The following CCNY variants were observed in gnomAD, a reference collection of about 807,000 sequenced individuals.
CCNY encodes the protein cyclin Y.
A neutral mutation model predicts 42.8 loss-of-function variants in CCNY; 19 were observed. That is an observed-to-expected ratio of 0.44 (90% CI 0.31 to 0.65). CCNY has a LOEUF of 0.65. Ranked by LOEUF, CCNY falls within the 30% of genes least tolerant of loss-of-function variation. CCNY has a pLI of 0.07. For synonymous variants in CCNY, 165 were observed against 162.7 expected, an observed-to-expected ratio of 1.01 and a Z score of -0.11; for missense variants, 370 against 437.3, an observed-to-expected ratio of 0.85 and a Z score of 1.37.
intron 3 of CCNY, among the ~76,000 whole-genome samples, chr10:35,510,555 C>T (rs1840305443): frequency 6.6e-6 from 1 of 152,122 alleles, no homozygotes; most frequent in Non-Finnish European, 1.5e-5. Flanking sequence ...CCTAACAAAC[C>T]TTTCTAAGAA....
Position 35,552,985 on chromosome 10 carries a change from A to G in CCNY, c.580-34A>G, listed in dbSNP as rs892562996. 9 of 1,597,332 alleles carry G rather than the reference A, an allele frequency of 5.6e-6. No individual in the cohort carries two copies. In the African/African-American group the frequency reaches 1.1e-4, roughly 19 times the overall value. ...TGTGCTGGTGTTTAGGAGAAAACAAATCACTTAGCTCTGGCATTGTCTTGT... is the reference window on the plus strand; with the variant it reads ...TGTGCTGGTGTTTAGGAGAAAACAAGTCACTTAGCTCTGGCATTGTCTTGT... On this transcript the variant is annotated intron_variant, in intron 7 of 9. Coordinates refer to ENST00000374704, the MANE Select transcript of CCNY (RefSeq NM_145012.6).
At chr10:35,322,351 C>T (rs1304753382) in intron 3 of CCNY, among the ~76,000 whole-genome samples, 5 of 121,696 alleles carry the variant, frequency 4.1e-5, no homozygotes, top group African/African-American at 1.5e-4. Context: ...AAGACTCTGT[C>T]TCAAAAAAAA....
At chr10:35,539,613 C>T (rs1840957316) in intron 7 of CCNY, among the ~76,000 whole-genome samples, 1 of 151,994 alleles carries the variant, frequency 6.6e-6, no homozygotes, top group Non-Finnish European at 1.5e-5. Context: ...ATGGTGAAAC[C>T]CCATCTCTAC....
chr10:35,332,179 G>A (rs1006876414), upstream of CCNY, among the ~76,000 whole-genome samples: 2 of 152,122 alleles, frequency 1.3e-5, no homozygotes, highest in African/African-American at 4.8e-5. Flanking sequence ...AGAATGTCTT[G>A]GTTATTTCAC....
chr10:35,564,682 A>G (rs145828910), intron 8 of CCNY, among the ~76,000 whole-genome samples: 6 of 152,266 alleles, frequency 3.9e-5, no homozygotes, highest in Admixed American at 2.0e-4. Flanking sequence ...CTTCACTCAC[A>G]GGAAATGGTG....
At chr10:35,535,456 G>C (rs1473475640) in intron 7 of CCNY, among the ~76,000 whole-genome samples, 2 of 152,130 alleles carry the variant, frequency 1.3e-5, no homozygotes, top group Non-Finnish European at 2.9e-5. Flanking sequence ...GTGGAATGCT[G>C]AGTTGGTCAC....
chr10:35,259,213 C>T (rs1054776547), intron 3 of CCNY, among the ~76,000 whole-genome samples: 1 of 152,090 alleles, frequency 6.6e-6, no homozygotes, highest in African/African-American at 2.4e-5. Context: ...TCTGTCCAGG[C>T]CTTTGTTTGA....
At chr10:35,538,911 G>A (rs573726219) in intron 7 of CCNY, among the ~76,000 whole-genome samples, 1 of 152,270 alleles carries the variant, frequency 6.6e-6, no homozygotes, top group South Asian at 2.1e-4. Context: ...TTTTATAAAT[G>A]TAGCTCTTAA....
chr10:35,435,394 A>G (rs1412133275), intron 1 of CCNY, among the ~76,000 whole-genome samples: 3 of 152,236 alleles, frequency 2.0e-5, no homozygotes, highest in Non-Finnish European at 2.9e-5. Flanking sequence ...ATTAAGCCCA[A>G]TGTGTGGAAT....
chr10:35,317,127 G>A (rs528677441), intron 3 of CCNY, among the ~76,000 whole-genome samples: 23 of 152,252 alleles, frequency 1.5e-4, no homozygotes, highest in African/African-American at 5.1e-4. Flanking sequence ...GATTACAGGC[G>A]TGAACCATTG....
rs151037953 is a variant in CCNY at position 35,367,632 on chromosome 10, G to A, written c.154+30425G>A. Among the ~76,000 whole-genome samples the A allele has an allele frequency of 5.0e-3, 759 of 152,312 alleles. 6 individuals carry two copies. The highest frequency in any genetic ancestry group is 0.01 in the Middle Eastern group (3 of 294). On this transcript the variant is annotated intron_variant, in intron 1 of 9. Transcript: ENST00000374704. ...CAGCTGACTTCCCAGGGTGGCTTCCGCCATAGAAGTCACTTTGTGAGAGCA... is the reference window on the plus strand; with the variant it reads ...CAGCTGACTTCCCAGGGTGGCTTCCACCATAGAAGTCACTTTGTGAGAGCA...
At chr10:35,278,451 C>G (rs1835263544) in intron 3 of CCNY, among the ~76,000 whole-genome samples, 1 of 152,084 alleles carries the variant, frequency 6.6e-6, no homozygotes, top group African/African-American at 2.4e-5. Flanking sequence ...TGCCAGCTTG[C>G]CAGCAGGGAT....
At chr10:35,262,513 C>A (rs1023215495) in intron 3 of CCNY, among the ~76,000 whole-genome samples, 4 of 151,646 alleles carry the variant, frequency 2.6e-5, no homozygotes, top group Non-Finnish European at 5.9e-5. Context: ...TGCACGCCAC[C>A]ACACCTGGCT....
chr10:35,547,020 G>T (rs1841129140), intron 7 of CCNY, among the ~76,000 whole-genome samples: 3 of 152,248 alleles, frequency 2.0e-5, no homozygotes, highest in East Asian at 1.9e-4. Flanking sequence ...CTTAGGCCCA[G>T]TCCCTGTTTT....
intron 8 of CCNY, among the ~76,000 whole-genome samples, chr10:35,555,479 A>G (rs143029985): frequency 3.2e-4 from 48 of 152,366 alleles, no homozygotes; most frequent in African/African-American, 1.1e-3. Context: ...AATAACAACA[A>G]CAGCAGCAGC....
At chr10:35,550,475 C>T (rs1056694665) in intron 7 of CCNY, among the ~76,000 whole-genome samples, 1 of 151,960 alleles carries the variant, frequency 6.6e-6, no homozygotes, top group Non-Finnish European at 1.5e-5. Flanking sequence ...CCCTGTCTTC[C>T]CTCCCCACTC....
At chr10:35,255,296 T>C (rs1037847437) in intron 3 of CCNY, among the ~76,000 whole-genome samples, 10 of 151,820 alleles carry the variant, frequency 6.6e-5, no homozygotes, top group African/African-American at 2.4e-4. Flanking sequence ...TGATGGTCTG[T>C]GAGGTGCATA....
chr10:35,464,697 C>T (rs1839222654), intron 1 of CCNY, among the ~76,000 whole-genome samples: 1 of 152,154 alleles, frequency 6.6e-6, no homozygotes, highest in South Asian at 2.1e-4. Context: ...AAGCCTCTGA[C>T]TTGTCTGCCT....
chr10:35,549,757 C>T (rs112995016), intron 7 of CCNY, among the ~76,000 whole-genome samples: 28 of 125,046 alleles, frequency 2.2e-4, no homozygotes, highest in East Asian at 2.5e-4. Context: ...CTACAGTGCT[C>T]GTGACCCTGC....
Sources: gnomAD v4.1 joint callset for allele counts (sites outside exome capture counted in the v4.1 genomes callset) on GRCh38, gnomAD v4.1.1 for gene constraint, MANE v1.5 for transcripts, NCBI Gene and HGNC (gene_info 2026-07-23, HGNC 2026-07-21) for gene names.